The following NALF1 variants were observed in gnomAD, a reference collection of about 807,000 sequenced individuals.
The protein encoded by NALF1 is family with sequence similarity 155 member A.
A neutral mutation model predicts 48.4 loss-of-function variants in NALF1; 3 were observed. The observed-to-expected ratio is 0.06, with a 90% confidence interval of 0.03 to 0.16. The LOEUF is 0.16. Ranked by LOEUF, NALF1 falls within the 10% of genes least tolerant of loss-of-function variation. NALF1 has a pLI of 1.00. For synonymous variants in NALF1, 262 were observed against 245.7 expected, an observed-to-expected ratio of 1.07 and a Z score of -0.62; for missense variants, 526 against 571.5, an observed-to-expected ratio of 0.92 and a Z score of 0.81.
chr13:107,359,616 C>T (rs550675078), intron 1 of NALF1, among the ~76,000 whole-genome samples: 2 of 151,714 alleles, frequency 1.3e-5, no homozygotes, highest in South Asian at 4.2e-4. Flanking sequence ...CCCTCCCTCC[C>T]TCCCTCTCTT....
intron 1 of NALF1, among the ~76,000 whole-genome samples, chr13:107,722,461 T>G (rs1171765633): frequency 6.6e-6 from 1 of 152,174 alleles, no homozygotes; most frequent in Non-Finnish European, 1.5e-5. Context: ...AGGTACTTCC[T>G]GCACTGCTCT....
chr13:107,651,224 C>G (rs975047171), intron 1 of NALF1, among the ~76,000 whole-genome samples: 4 of 152,140 alleles, frequency 2.6e-5, no homozygotes, highest in Non-Finnish European at 5.9e-5. Context: ...TAACCTCTGG[C>G]CTTTGACATT....
rs547139959 is a variant in NALF1 at position 107,467,350 on chromosome 13, AC to A, written c.916-256596del. ...CATTACTAAGAGACTAAGGTTAAAA[AC>A]ATTTCATCTTAATTTTCTTAATTTG... On this transcript the variant is annotated intron_variant, in intron 1 of 2. Coordinates refer to ENST00000375915, the MANE Select transcript of NALF1 (RefSeq NM_001080396.3). Among the ~76,000 whole-genome samples, 45 of 80,682 alleles carry A rather than the reference AC, an allele frequency of 5.6e-4. No homozygotes were observed. The South Asian group carries it at 0.018, about 32-fold the overall frequency. 52.9% of individuals were successfully genotyped at this position (80,682 alleles called of 152,430 possible).
chr13:107,457,038 GT>G (rs1399070230), intron 1 of NALF1, among the ~76,000 whole-genome samples: 1 of 152,120 alleles, frequency 6.6e-6, no homozygotes, highest in Non-Finnish European at 1.5e-5. Flanking sequence ...TAAGGCCACA[GT>G]TAGAACACTG....
intron 1 of NALF1, among the ~76,000 whole-genome samples, chr13:107,438,851 AG>A (rs1322905628): frequency 8.1e-4 from 105 of 130,250 alleles, no homozygotes; most frequent in Middle Eastern, 4.4e-3. Flanking sequence ...AAAAAAAAAA[AG>A]AATAATATAA....
chr13:107,305,620 G>A lies in NALF1; in HGVS notation c.916-94865C>T, dbSNP rs546284630. On this transcript the variant is annotated intron_variant, in intron 1 of 2. Coordinates refer to ENST00000375915, the MANE Select transcript of NALF1 (RefSeq NM_001080396.3). ...AGCCTGAGTCCCATACAATGTCATGGCACTGCCAAACTAACCCACATGGTC... is the reference window on the plus strand; with the variant it reads ...AGCCTGAGTCCCATACAATGTCATGACACTGCCAAACTAACCCACATGGTC... Among the ~76,000 whole-genome samples the A allele has an allele frequency of 7.9e-5, 12 of 152,286 alleles. 1 individual carries two copies. In the South Asian group the frequency reaches 1.2e-3, roughly 16 times the overall value.
chr13:107,566,586 C>T (rs1306433380), intron 1 of NALF1, among the ~76,000 whole-genome samples: 4 of 152,176 alleles, frequency 2.6e-5, no homozygotes, highest in Admixed American at 6.5e-5. Flanking sequence ...ACCAACCTCA[C>T]GGAAAGGGGT....
intron 1 of NALF1, among the ~76,000 whole-genome samples, chr13:107,259,315 A>C (rs1395386860): frequency 6.6e-6 from 1 of 152,160 alleles, no homozygotes; most frequent in Admixed American, 6.5e-5. Flanking sequence ...AGTCCCAGGG[A>C]TCTATCACTG....
At chr13:107,852,031 G>T (rs1272562606) in intron 1 of NALF1, among the ~76,000 whole-genome samples, 2 of 151,100 alleles carry the variant, frequency 1.3e-5, no homozygotes, top group African/African-American at 2.4e-5. Context: ...TGAACTCCTG[G>T]CCTCAAACAA....
At chr13:107,458,513 GAAGT>G (rs1884863018) in intron 1 of NALF1, among the ~76,000 whole-genome samples, 1 of 152,214 alleles carries the variant, frequency 6.6e-6, no homozygotes, top group Non-Finnish European at 1.5e-5. Flanking sequence ...TCATGTGCAG[GAAGT>G]GCACGCCTGG....
chr13:107,291,862 G>A (rs1240049516), intron 1 of NALF1, among the ~76,000 whole-genome samples: 2 of 152,094 alleles, frequency 1.3e-5, no homozygotes, highest in African/African-American at 4.8e-5. Context: ...TACTTTAACA[G>A]TACATATTCC....
At chr13:107,469,154 T>C (rs1234686854) in intron 1 of NALF1, among the ~76,000 whole-genome samples, 1 of 152,190 alleles carries the variant, frequency 6.6e-6, no homozygotes, top group Non-Finnish European at 1.5e-5. Context: ...AAATCAGTCA[T>C]AAAAAAAGGT....
chr13:107,829,007 T>C (rs767615391), intron 1 of NALF1, among the ~76,000 whole-genome samples: 1 of 152,184 alleles, frequency 6.6e-6, no homozygotes, highest in African/African-American at 2.4e-5. Context: ...CCTGTATCCA[T>C]TGTCTATCTT....
chr13:107,353,656 C>A (rs1407129860), intron 1 of NALF1, among the ~76,000 whole-genome samples: 1 of 152,158 alleles, frequency 6.6e-6, no homozygotes, highest in East Asian at 1.9e-4. Context: ...TAAGACTCAG[C>A]CAATGAGGAC....
intron 1 of NALF1, among the ~76,000 whole-genome samples, chr13:107,655,607 A>G (rs1369414221): frequency 1.3e-5 from 2 of 152,028 alleles, no homozygotes; most frequent in Non-Finnish European, 2.9e-5. Context: ...ACAAATTCAA[A>G]GCAATTCCCA....
At chr13:107,681,422 CCT>C (rs1358676122) in intron 1 of NALF1, among the ~76,000 whole-genome samples, 5 of 152,198 alleles carry the variant, frequency 3.3e-5, no homozygotes, top group East Asian at 1.9e-4. Flanking sequence ...TGATTCACCC[CCT>C]GTCGCTCCCT....
chr13:107,843,115 T>G (rs1280491574), intron 1 of NALF1, among the ~76,000 whole-genome samples: 1 of 152,246 alleles, frequency 6.6e-6, no homozygotes, highest in Non-Finnish European at 1.5e-5. Context: ...GGTGGGCTGC[T>G]GTGTTTTACA....
intron 1 of NALF1, among the ~76,000 whole-genome samples, chr13:107,750,413 A>G (rs770017093): frequency 6.6e-6 from 1 of 152,266 alleles, no homozygotes; most frequent in Non-Finnish European, 1.5e-5. Context: ...ACTGAGCTGC[A>G]TAACCATTTT....
At chr13:107,348,605 C>A (rs968023418) in intron 1 of NALF1, among the ~76,000 whole-genome samples, 2 of 151,982 alleles carry the variant, frequency 1.3e-5, no homozygotes, top group Admixed American at 6.6e-5. Flanking sequence ...CCTCCCACCC[C>A]CCGGCAGGCC....
Sources: allele counts gnomAD v4.1 joint callset (sites outside exome capture counted in the v4.1 genomes callset), GRCh38; gene constraint gnomAD v4.1.1; transcripts MANE v1.5; gene names NCBI Gene and HGNC (gene_info 2026-07-23, HGNC 2026-07-21).